The following RALGDS variants were observed in gnomAD, a reference collection of about 807,000 sequenced individuals.
RALGDS encodes the protein ral guanine nucleotide dissociation stimulator, also known as ral guanine nucleotide exchange factor.
In RALGDS, 44 loss-of-function variants were observed where a neutral mutation model predicts 99.8. That is an observed-to-expected ratio of 0.44 (90% CI 0.35 to 0.57). The LOEUF (loss-of-function observed/expected upper bound fraction) is 0.57, where lower values mean the gene tolerates loss of function less well. Among genes scored for constraint, RALGDS ranks in the 20% least tolerant of loss-of-function variants. The pLI is 0.01. For synonymous variants in RALGDS, 529 were observed against 505.0 expected (o/e 1.05, Z -0.64); for missense variants, 1,022 against 1,203.1 (o/e 0.85, Z 2.23).
intron 3 of RALGDS, 50 bp downstream of exon 3, chr9:133,110,246 T>TGGGGGC (rs1414864774): frequency 6.5e-7 from 1 of 1,550,012 alleles, no homozygotes. Flanking sequence ...CAGGTGGGGG[T>TGGGGGC]GGGGGCGAGG....
rs550206292 is a variant in RALGDS, at chr9:133,146,600, G to A, written c.18+2363C>T. Among the ~76,000 whole-genome samples the A allele has an allele frequency of 3.6e-4, 55 of 152,298 alleles. 1 individual carries two copies. Among genetic ancestry groups the A allele is most frequent in the Non-Finnish European group, 1.5e-5 (1 of 68,024 alleles). On this transcript the variant is annotated intron_variant, in intron 1 of 17. Coordinates refer to the RALGDS transcript ENST00000393160. The stretch of plus-strand genomic sequence containing the variant: ...CCTCCTGGTACATAAGTTGCTGAGT[G>A]ATCCCCTTCCTCCGAGGGTGATTGG...
intron 1 of RALGDS, among the ~76,000 whole-genome samples, chr9:133,115,341 C>CCTGCACCTCGGCCTGCT (rs1303499419): frequency 6.6e-6 from 1 of 152,204 alleles, no homozygotes; most frequent in African/African-American, 2.4e-5. Context: ...AGGGCTCTAG[C>CCTGCACCTCGGCCTGCT]CTGCACCTCG....
chr9:133,111,697 C>A (rs908653544), intron 2 of RALGDS, among the ~76,000 whole-genome samples: 3 of 152,194 alleles, frequency 2.0e-5, no homozygotes, highest in African/African-American at 7.2e-5. Flanking sequence ...CTGAGTCAGG[C>A]CCCGGCTCTC....
chr9:133,107,413 C>G, intron 6 of RALGDS, 113 bp from the exon 7 acceptor site: 1 of 970,804 alleles, frequency 1.0e-6, no homozygotes. Flanking sequence ...TATCCCGTGT[C>G]CATGCAGGGT....
In RALGDS at chr9:133,098,654, T is replaced by C. The variant is rs773078165; in HGVS notation, c.2678A>G (p.His893Arg). 61 of 1,614,052 alleles carry C rather than the reference T, an allele frequency of 3.8e-5. No individual in the cohort carries two copies. Among genetic ancestry groups the C allele is most frequent in the Non-Finnish European group, 5.1e-5 (60 of 1,180,032 alleles). ...GCGAGGGAGGGTGGAGCTGGCTCCG[T>C]GCTTGACCTTCACTCCCTTGGTGAA... Reference protein sequence around the residue: ...RTFTKGVKVKHGASSTLPRMK... With the variant: ...RTFTKGVKVKRGASSTLPRMK... The change falls in exon 18 of 18, where the codon CAC becomes CGC. Residue 893 changes from histidine to arginine, a missense_variant. His to Arg is a conservative substitution (Grantham distance 29). Around this residue, in one of 3 missense-constraint regions of RALGDS, gnomAD observed 825 missense variants for 994.5 expected, o/e 0.83. Coordinates refer to ENST00000372050, the MANE Select transcript of RALGDS (RefSeq NM_006266.4).
intron 1 of RALGDS, among the ~76,000 whole-genome samples, chr9:133,128,488 G>A (rs767121743): frequency 2.0e-4 from 31 of 152,152 alleles, no homozygotes; most frequent in Non-Finnish European, 3.5e-4. Context: ...GAGGGGCCCC[G>A]GCATCCATGA....
chr9:133,119,731 T>G (rs145694564), intron 1 of RALGDS, among the ~76,000 whole-genome samples: 20 of 149,700 alleles, frequency 1.3e-4, no homozygotes, highest in Non-Finnish European at 2.2e-4. Context: ...GAGCCCTGGA[T>G]AGATGAGGGT....
At chr9:133,102,194 C>A in intron 14 of RALGDS, 55 bp from the exon 15 acceptor site, 1 of 1,528,440 alleles carries the variant, frequency 6.5e-7, no homozygotes, top group East Asian at 2.5e-5. Context: ...ATCCCAACCC[C>A]ACAGCCCCTG....
chr9:133,140,908 G>C (rs765795517), intron 1 of RALGDS, among the ~76,000 whole-genome samples: 2 of 152,266 alleles, frequency 1.3e-5, no homozygotes, highest in African/African-American at 2.4e-5. Flanking sequence ...GCTGCCCTCT[G>C]CCCTGCCCCT....
Position 133,108,737 on chromosome 9 carries a change from C to A in RALGDS, c.714G>T (p.Glu238Asp). The A allele has an allele frequency of 6.2e-7, 1 of 1,613,740 alleles. No homozygotes were observed. The highest frequency in any genetic ancestry group is 8.5e-7 in the Non-Finnish European group (1 of 1,180,012). ...VQLNMPGSDL[E>D]RRAHLLLAQL... ...GGGCCAGGAGAAGGTGGGCACGGCG[C>A]TCCAGGTCTGAGCCTGGCATGTTGA... Residue 238 changes from glutamate (E) to aspartate (D), a missense_variant, in exon 5 of 18, where the codon GAG becomes GAT. Glu to Asp is a conservative substitution (Grantham distance 45, BLOSUM62 2). Around this residue, in one of 3 missense-constraint regions of RALGDS, gnomAD observed 825 missense variants for 994.5 expected, o/e 0.83. Transcript: ENST00000372050.
intron 1 of RALGDS, among the ~76,000 whole-genome samples, chr9:133,113,424 C>T (rs762118216): frequency 3.9e-5 from 6 of 152,190 alleles, no homozygotes; most frequent in Admixed American, 2.0e-4. Flanking sequence ...GAGGTCGCCT[C>T]CCACGCTGGG....
chr9:133,130,123 C>T (rs1366646413), intron 1 of RALGDS, among the ~76,000 whole-genome samples: 1 of 152,216 alleles, frequency 6.6e-6, no homozygotes, highest in African/African-American at 2.4e-5. Flanking sequence ...AGGCGCATGC[C>T]ACCACACCCA....
At chr9:133,107,599 G>C (rs1804595519) in intron 6 of RALGDS, among the ~76,000 whole-genome samples, 1 of 152,042 alleles carries the variant, frequency 6.6e-6, no homozygotes, top group Non-Finnish European at 1.5e-5. Flanking sequence ...CTACAACTAA[G>C]GGCTTTGTCC....
At chr9:133,128,487 C>T (rs756969316) in intron 1 of RALGDS, among the ~76,000 whole-genome samples, 52 of 152,186 alleles carry the variant, frequency 3.4e-4, no homozygotes, top group Non-Finnish European at 6.3e-4. Context: ...CGAGGGGCCC[C>T]GGCATCCATG....
upstream of RALGDS, among the ~76,000 whole-genome samples, chr9:133,122,341 A>G (rs1831981002): frequency 6.6e-6 from 1 of 152,240 alleles, no homozygotes; most frequent in Non-Finnish European, 1.5e-5. Context: ...TTCAGTCTTC[A>G]TGGAGGCCAG....
At chr9:133,133,689 C>T (rs746957380), upstream of RALGDS, among the ~76,000 whole-genome samples, 23 of 152,326 alleles carry the variant, frequency 1.5e-4, no homozygotes, top group Non-Finnish European at 2.6e-4. Flanking sequence ...AAGCTTACGA[C>T]GACCCTGACC....
rs1564227297 is a variant in RALGDS at position 133,101,683 on chromosome 9, G to A, written c.2291C>T (p.Ala764Val). 2.5e-6 allele frequency: 4 copies of A among 1,613,982 alleles called. No individual in the cohort carries two copies. The highest frequency in any genetic ancestry group is 3.4e-6 in the Non-Finnish European group (4 of 1,179,992). ...TGTGGCAGCCACGGGCGTGGTGGAG[G>A]CTGAGGAGGACGAGGTGCTGCTGGA... ...SASSSTSSSS[A>V]STTPVAATRT... Residue 764 changes from alanine to valine, a missense_variant, in exon 16 of 18, where the codon GCC becomes GTC. By Grantham distance (64) the Ala-to-Val change is moderately conservative. Around this residue, in one of 3 missense-constraint regions of RALGDS, gnomAD observed 825 missense variants for 994.5 expected, o/e 0.83. Transcript: ENST00000372050.
At chr9:133,139,963 C>T (rs1832491872) in intron 1 of RALGDS, among the ~76,000 whole-genome samples, 1 of 152,202 alleles carries the variant, frequency 6.6e-6, no homozygotes, top group Non-Finnish European at 1.5e-5. Context: ...ACCTCCCAGG[C>T]TTCTCTCCCC....
chr9:133,148,767 G>C (rs1832667440), intron 1 of RALGDS, among the ~76,000 whole-genome samples: 1 of 152,180 alleles, frequency 6.6e-6, no homozygotes, highest in Non-Finnish European at 1.5e-5. Context: ...CGCCAACTTC[G>C]TGTGCCCCGG....
Sources: gnomAD v4.1 joint callset for allele counts (sites outside exome capture counted in the v4.1 genomes callset) on GRCh38, gnomAD v4.1.1 for gene constraint, gnomAD v4.1.1 regional missense constraint, MANE v1.5 for transcripts, NCBI Gene and HGNC (gene_info 2026-07-23, HGNC 2026-07-21) for gene names.